The following HCN1 variants were observed in gnomAD, a reference collection of about 807,000 sequenced individuals.
The protein encoded by HCN1 is potassium/sodium hyperpolarization-activated cyclic nucleotide-gated channel 1.
In HCN1, 13 loss-of-function variants were observed where a neutral mutation model predicts 78.9. That is an observed-to-expected ratio of 0.16 (90% confidence interval 0.11 to 0.26). The LOEUF (loss-of-function observed/expected upper bound fraction) is 0.26. Ranked by LOEUF, HCN1 falls within the 10% of genes least tolerant of loss-of-function variation. HCN1 has a pLI of 1.00. For synonymous variants in HCN1, 552 were observed against 455.5 expected (o/e 1.21, Z -2.70); for missense variants, 810 against 1,154.3 (o/e 0.70, Z 4.32).
At chr5:45,270,875 G>C (rs1744948405) in intron 6 of HCN1, among the ~76,000 whole-genome samples, 1 of 152,086 alleles carries the variant, frequency 6.6e-6, no homozygotes, top group South Asian at 2.1e-4. Context: ...CTGGAGCATA[G>C]ATATAAGTTT....
chr5:45,441,843 G>A (rs1396432539), intron 3 of HCN1, among the ~76,000 whole-genome samples: 1 of 152,080 alleles, frequency 6.6e-6, no homozygotes, highest in Non-Finnish European at 1.5e-5. Context: ...GGTAACATGA[G>A]AATTGAAGAA....
At chr5:45,607,579 TTA>T (rs146363579) in intron 2 of HCN1, among the ~76,000 whole-genome samples, 5,718 of 127,910 alleles carry the variant, frequency 0.045, 396 homozygotes, top group African/African-American at 0.14. Context: ...CACAATATCA[TTA>T]TATATATATA....
intron 2 of HCN1, among the ~76,000 whole-genome samples, chr5:45,472,209 T>C (rs1741405467): frequency 6.6e-6 from 1 of 152,016 alleles, no homozygotes; most frequent in East Asian, 1.9e-4. Context: ...TCTCTCCTGG[T>C]ATACTACCTT....
chr5:45,645,960 A>C (rs1745540512), intron 1 of HCN1, among the ~76,000 whole-genome samples: 1 of 152,090 alleles, frequency 6.6e-6, no homozygotes. Flanking sequence ...AAGAAGTATA[A>C]GATTAGAAGA....
intron 2 of HCN1, among the ~76,000 whole-genome samples, chr5:45,606,382 A>C (rs532456561): frequency 6.6e-6 from 1 of 152,150 alleles, no homozygotes; most frequent in South Asian, 2.1e-4. Context: ...AAAAATAGGA[A>C]AAAAAGAGAA....
intron 2 of HCN1, among the ~76,000 whole-genome samples, chr5:45,535,966 A>G (rs1304220680): frequency 6.6e-6 from 1 of 152,112 alleles, no homozygotes; most frequent in African/African-American, 2.4e-5. Context: ...GATAATTTCT[A>G]TGGATACAGA....
intron 2 of HCN1, among the ~76,000 whole-genome samples, chr5:45,589,948 T>C (rs1359485687): frequency 6.6e-6 from 1 of 152,194 alleles, no homozygotes; most frequent in Non-Finnish European, 1.5e-5. Context: ...TCCTTGACAC[T>C]ACCTAGTCTA....
At position 45,255,474 on chromosome 5, in the gene HCN1, A is replaced by C. The variant is rs1744588511; in HGVS notation, c.*6447T>G. 1 of 152,190 alleles carries C rather than the reference A, an allele frequency of 6.6e-6. No homozygotes were observed. Among genetic ancestry groups the C allele is most frequent in the South Asian group, 2.1e-4 (1 of 4,828 alleles). The allele number at this position is 152,190 out of a possible 1,614,324, so 9.4% of individuals were successfully genotyped here. ...TACAGGGTAAGGCCAAGGACTCTGC[A>C]CTTCTTGTAATTATACTTCTGGGTG... On this transcript the variant is annotated 3_prime_UTR_variant, in exon 8 of 8. Coordinates refer to ENST00000303230, the MANE Select transcript of HCN1 (RefSeq NM_021072.4).
chr5:45,517,960 G>T (rs1454609145), intron 2 of HCN1, among the ~76,000 whole-genome samples: 1 of 151,988 alleles, frequency 6.6e-6, no homozygotes, highest in Non-Finnish European at 1.5e-5. Flanking sequence ...GTAGTCCACT[G>T]CAATTCCTAC....
chr5:45,585,471 G>A (rs927546792), intron 2 of HCN1, among the ~76,000 whole-genome samples: 11 of 151,954 alleles, frequency 7.2e-5, no homozygotes, highest in African/African-American at 2.2e-4. Context: ...CCAAGGGTTC[G>A]AACTTCCTCC....
chr5:45,361,115 G>A (rs1747097989), intron 4 of HCN1, among the ~76,000 whole-genome samples: 1 of 152,142 alleles, frequency 6.6e-6, no homozygotes, highest in Non-Finnish European at 1.5e-5. Flanking sequence ...CATGATCTCA[G>A]CTCACTGCAA....
intron 6 of HCN1, among the ~76,000 whole-genome samples, chr5:45,292,765 G>C (rs1022054054): frequency 5.9e-5 from 9 of 151,872 alleles, no homozygotes; most frequent in Non-Finnish European, 7.4e-5. Context: ...AAGAAATAAA[G>C]ATTAAGAGCA....
intron 5 of HCN1, among the ~76,000 whole-genome samples, chr5:45,306,140 A>T (rs1430364780): frequency 6.6e-6 from 1 of 152,114 alleles, no homozygotes; most frequent in Admixed American, 6.6e-5. Flanking sequence ...TAATTATTTC[A>T]CATGTAAAAT....
At chr5:45,537,266 AT>A (rs1276319719) in intron 2 of HCN1, among the ~76,000 whole-genome samples, 3 of 152,148 alleles carry the variant, frequency 2.0e-5, no homozygotes, top group Admixed American at 6.5e-5. Context: ...TTTAAAAAAA[AT>A]ATTTCTTTCA....
chr5:45,421,207 C>T (rs573113125), intron 3 of HCN1, among the ~76,000 whole-genome samples: 24 of 152,024 alleles, frequency 1.6e-4, no homozygotes, highest in East Asian at 3.9e-4. Context: ...GGACTACAGG[C>T]GCCAGCCACC....
chr5:45,318,716 A>G (rs1746058640), intron 5 of HCN1, among the ~76,000 whole-genome samples: 1 of 151,602 alleles, frequency 6.6e-6, no homozygotes, highest in African/African-American at 2.4e-5. Context: ...AGTTTCTTTT[A>G]AAGTTACAAC....
In HCN1 at chr5:45,334,986, C is replaced by A. The variant is rs1040146644; in HGVS notation, c.1377+18114G>T. Among the ~76,000 whole-genome samples the A allele has an allele frequency of 2.6e-5, 4 of 152,108 alleles. No individual in the cohort carries two copies. In the Middle Eastern group the frequency reaches 0.01, roughly 388 times the overall value. On this transcript the variant is annotated intron_variant, in intron 5 of 7. Transcript: ENST00000303230. Reference sequence around the variant, plus strand: ...ATACAAATTATGTTTTCTTGCATAACTATCTATTCGACAAATTAAAGGTCA... The same window carrying A: ...ATACAAATTATGTTTTCTTGCATAAATATCTATTCGACAAATTAAAGGTCA...
In HCN1 at chr5:45,327,390, T is replaced by G. The variant is rs370295554; in HGVS notation, c.1378-23551A>C. 2.6e-5 allele frequency among the ~76,000 whole-genome samples: 4 copies of G among 151,738 alleles called. No homozygotes were observed. The South Asian group carries it at 8.3e-4, about 31-fold the overall frequency. ...ATTTGGTAAAAACTTTTTTCAAAAT[T>G]TTATTATAGAATCCACATAAATTAA... On this transcript the variant is annotated intron_variant, in intron 5 of 7. Coordinates refer to ENST00000303230, the MANE Select transcript of HCN1 (RefSeq NM_021072.4).
chr5:45,285,944 A>T (rs969536061), intron 6 of HCN1, among the ~76,000 whole-genome samples: 2 of 151,952 alleles, frequency 1.3e-5, no homozygotes, highest in African/African-American at 4.8e-5. Flanking sequence ...ATCTTCTCTG[A>T]TAAACTTTCT....
Sources: allele counts gnomAD v4.1 joint callset (sites outside exome capture counted in the v4.1 genomes callset), GRCh38; gene constraint gnomAD v4.1.1; transcripts MANE v1.5; gene names NCBI Gene and HGNC (gene_info 2026-07-23, HGNC 2026-07-21).